Variants in SHOX observed in about 807,000 individuals in gnomAD.
SHOX encodes the protein short stature homeobox protein.
A neutral mutation model predicts 29.6 loss-of-function variants in SHOX; 12 were observed. The observed-to-expected ratio is 0.41, with a 90% CI of 0.26 to 0.66. The LOEUF (loss-of-function observed/expected upper bound fraction) is 0.66, where lower values mean the gene tolerates loss of function less well. Among genes scored for constraint, SHOX ranks in the 30% least tolerant of loss-of-function variants. The pLI, the probability that SHOX is intolerant of heterozygous loss-of-function variation, is 0.35. For missense variants in SHOX, 499 were observed against 437.7 expected (o/e 1.14, Z -1.25); for synonymous variants, 214 against 200.6 (o/e 1.07, Z -0.57).
chrX:644,428 C>G lies in SHOX; in HGVS notation c.671C>G (p.Ala224Gly), dbSNP rs2124193909. Reference protein sequence around the residue: ...AQLQLEGVAHAHPHLHPHLAA... With the variant: ...AQLQLEGVAHGHPHLHPHLAA... ...CTGCAGCTGGAAGGCGTGGCCCACG[C>G]GCACCCGCACCTGCACCCGCACCTG... The change falls in exon 5 of 5, where the codon GCG becomes GGG. Residue 224 changes from alanine to glycine, a missense_variant. Physicochemically the swap from Ala to Gly is moderately conservative, Grantham distance 60 (BLOSUM62 0). Transcript: ENST00000686671. 2 of 1,520,532 alleles carry G rather than the reference C, an allele frequency of 1.3e-6. No homozygotes were observed. Among genetic ancestry groups the G allele is most frequent in the African/African-American group, 1.4e-5 (1 of 70,278 alleles). The allele number at this position is 1,520,532 out of a possible 1,614,324, so 94.2% of individuals were successfully genotyped here.
At position 649,330 on chromosome X, in the gene SHOX, G is replaced by A. The variant is rs1365688351; in HGVS notation, c.*4694G>A. 4.6e-5 allele frequency among the ~76,000 whole-genome samples: 7 copies of A among 152,104 alleles called. No individual in the cohort carries two copies. ...CTGGGATTACGGGGTGAGGCACCGCGCCCGGCCTCCTCTCTCTTTTTCTGA... is the reference window on the plus strand; with the variant it reads ...CTGGGATTACGGGGTGAGGCACCGCACCCGGCCTCCTCTCTCTTTTTCTGA... On this transcript the variant is annotated 3_prime_UTR_variant, in exon 5 of 5. Coordinates refer to ENST00000686671, the MANE Select transcript of SHOX (RefSeq NM_000451.4).
intron 2 of SHOX, among the ~76,000 whole-genome samples, chrX:639,525 G>C (rs1167427700): frequency 6.6e-6 from 1 of 152,228 alleles, no homozygotes; most frequent in East Asian, 1.9e-4. Flanking sequence ...TGTGGCTAAA[G>C]TCTGAAGGTG....
chrX:658,769 CTT>C (rs747552549), intron 5 of SHOX: 6,562 of 346,880 alleles, frequency 0.019, no homozygotes, highest in South Asian at 0.03. Flanking sequence ...TGCACTTGGC[CTT>C]TTTTTTTTTT....
exon 6 of SHOX, chrX:659,064 C>G (rs1307398445): frequency 1.3e-5 from 2 of 152,650 alleles, no homozygotes; most frequent in African/African-American, 5.0e-5. Flanking sequence ...TGCGCCCGGC[C>G]TTTGTAACTT....
downstream of SHOX, among the ~76,000 whole-genome samples, chrX:652,950 G>T (rs1489835612): frequency 6.6e-6 from 1 of 152,152 alleles, no homozygotes; most frequent in East Asian, 1.9e-4. Context: ...AAACTATTCA[G>T]CTTTGGCCGG....
intron 5 of SHOX, among the ~76,000 whole-genome samples, chrX:658,267 G>A (rs1259952071): frequency 2.0e-5 from 3 of 151,778 alleles, no homozygotes; most frequent in Non-Finnish European, 2.9e-5. Context: ...GAGCCAGCAC[G>A]CCCGGCCCCA....
chrX:624,875 T>TTTC (rs1382492281), intron 1 of SHOX, among the ~76,000 whole-genome samples: 1 of 37,994 alleles, frequency 2.6e-5, no homozygotes, highest in Admixed American at 2.4e-4. Context: ...TCTTTCTTTC[T>TTTC]TTCTTTCTTT....
chrX:644,232 G>T (rs775580681), intron 4 of SHOX, 159 bp from the exon 5 acceptor site: 1 of 609,582 alleles, frequency 1.6e-6, no homozygotes, highest in South Asian at 7.2e-5. Context: ...GGGCCAGGGG[G>T]AAGGAGGAAA....
At position 635,857 on chromosome X, in the gene SHOX, GGAGAGAGAGA is replaced by G. The variant is rs369333132; in HGVS notation, c.486+1050_486+1059del. The stretch of plus-strand genomic sequence containing the variant: ...CTGGGCAGGACAGAAGTGGGGGGAG[GGAGAGAGAGA>G]GAGAGAGAGAGAGAGAGACGGTCAG... On this transcript the variant is annotated intron_variant, in intron 2 of 4. Coordinates refer to ENST00000686671, the MANE Select transcript of SHOX (RefSeq NM_000451.4). 8.2e-3 allele frequency among the ~76,000 whole-genome samples: 1,198 copies of G among 146,264 alleles called. 16 individuals carry two copies. Among genetic ancestry groups the G allele is most frequent in the African/African-American group, 0.029 (1,123 of 39,228 alleles).
In SHOX at chrX:630,869, C is replaced by G; in HGVS notation, c.-29C>G. 1 of 1,612,018 alleles carries G rather than the reference C, an allele frequency of 6.2e-7. No individual in the cohort carries two copies. On this transcript the variant is annotated 5_prime_UTR_variant, in exon 1 of 5. Coordinates refer to ENST00000686671, the MANE Select transcript of SHOX (RefSeq NM_000451.4). ...GGGGAGACGCGCGCATCCACCAGCCCCGGCTGCTCGCCAGCCCCGGCCCCA... is the reference window on the plus strand; with the variant it reads ...GGGGAGACGCGCGCATCCACCAGCCGCGGCTGCTCGCCAGCCCCGGCCCCA...
At chrX:654,108 G>C (rs1258497602), downstream of SHOX, among the ~76,000 whole-genome samples, 2 of 151,710 alleles carry the variant, frequency 1.3e-5, no homozygotes, top group Non-Finnish European at 2.9e-5. Context: ...AACAATAGTG[G>C]CCAAAACCAC....
intron 1 of SHOX, among the ~76,000 whole-genome samples, chrX:625,058 C>CCCTCCCTCCCTCCCCCCTTCT (rs1556451947): frequency 1.3e-5 from 1 of 75,214 alleles, no homozygotes; most frequent in Non-Finnish European, 2.2e-5. Flanking sequence ...TCTGTTCCTT[C>CCCTCCCTCCCTCCCCCCTTCT]CTCCCTCCCT....
In SHOX at chrX:634,816, C is replaced by T. The variant is rs1180599491; in HGVS notation, c.476C>T (p.Ala159Val). The T allele has an allele frequency of 6.4e-7, 1 of 1,571,050 alleles. No homozygotes were observed. Residue 159 changes from alanine to valine, a missense_variant, in exon 2 of 5, where the codon GCG becomes GTG. Coordinates refer to ENST00000686671, the MANE Select transcript of SHOX (RefSeq NM_000451.4). ...ELSQRLGLSE[A>V]RVQVWFQNRR... is the part of the protein sequence containing the mutation. ...AGCCAGCGCCTGGGGCTCTCCGAGG[C>T]GCGCGTGCAGGTAGGAACCCGGGGG... is the stretch of plus-strand genomic sequence containing the variant.
intron 4 of SHOX, among the ~76,000 whole-genome samples, chrX:641,291 G>C (rs1326094041): frequency 1.3e-5 from 2 of 152,182 alleles, no homozygotes; most frequent in Non-Finnish European, 2.9e-5. Flanking sequence ...GCCAGGCGGG[G>C]TGGCTCACAC....
chrX:625,997 G>C (rs866630124), upstream of SHOX, among the ~76,000 whole-genome samples: 1 of 15,586 alleles, frequency 6.4e-5, no homozygotes, highest in Non-Finnish European at 1.2e-4. Context: ...GTCTATCTCT[G>C]TCTCTCTTTC....
At chrX:631,292 G>T in intron 1 of SHOX, 118 bp downstream of exon 1, 1 of 1,304,802 alleles carries the variant, frequency 7.7e-7, no homozygotes. Context: ...GTCTCGCCAG[G>T]GTAAGGCCCG....
chrX:635,802 G>C (rs182667967), intron 2 of SHOX, among the ~76,000 whole-genome samples: 2 of 152,112 alleles, frequency 1.3e-5, no homozygotes, highest in Non-Finnish European at 2.9e-5. Flanking sequence ...TCCCCTGGAA[G>C]GTCAACTCCT....
chrX:634,909 GCCC>G lies in SHOX; in HGVS notation c.486+84_486+86del, dbSNP rs1308450807. On this transcript the variant is annotated intron_variant, in intron 2 of 4. Coordinates refer to ENST00000686671, the MANE Select transcript of SHOX (RefSeq NM_000451.4). ...GCACAGCACGCGTACAGCCACCTGC[GCCC>G]GGGCCGCCGCCGTCCCCTTCCCGGA... The G allele has an allele frequency of 1.2e-5, 17 of 1,402,810 alleles. No individual in the cohort carries two copies. In the African/African-American group the frequency reaches 2.0e-4, roughly 17 times the overall value. The allele number at this position is 1,402,810 out of a possible 1,614,324, so 86.9% of individuals were successfully genotyped here. A position where few individuals can be genotyped will look rare whatever the true frequency, so the allele number is the denominator to read the frequency against.
At chrX:652,434 T>TA (rs1439239055), downstream of SHOX, among the ~76,000 whole-genome samples, 2 of 149,286 alleles carry the variant, frequency 1.3e-5, no homozygotes, top group East Asian at 4.0e-4. Flanking sequence ...CCGGCTGTGA[T>TA]AAAAAACACA....
Sources: gnomAD v4.1 joint callset for allele counts (sites outside exome capture counted in the v4.1 genomes callset) on GRCh38, gnomAD v4.1.1 for gene constraint, MANE v1.5 for transcripts, NCBI Gene and HGNC (gene_info 2026-07-23, HGNC 2026-07-21) for gene names.